PHKB: variants seen among roughly 807,000 people sequenced by gnomAD.
The protein encoded by PHKB is phosphorylase kinase regulatory subunit beta.
A neutral mutation model predicts 152.1 loss-of-function variants in PHKB; 122 were observed. The observed-to-expected ratio is 0.80, with a 90% CI of 0.69 to 0.93. PHKB has a LOEUF of 0.93. Ranked by LOEUF, PHKB falls within the 40% of genes least tolerant of loss-of-function variation. PHKB has a pLI of 0.00. For synonymous variants in PHKB, 436 were observed against 464.9 expected, an observed-to-expected ratio of 0.94 and a Z score of 0.80; for missense variants, 1,304 against 1,328.4, an observed-to-expected ratio of 0.98 and a Z score of 0.29.
intron 26 of PHKB, among the ~76,000 whole-genome samples, chr16:47,684,284 C>T (rs1408704163): frequency 6.6e-6 from 1 of 151,676 alleles, no homozygotes; most frequent in Non-Finnish European, 1.5e-5. Context: ...AAGATCACAA[C>T]AGCTGCACTC....
At chr16:47,513,311 T>C (rs1044788022) in intron 5 of PHKB, among the ~76,000 whole-genome samples, 2 of 152,180 alleles carry the variant, frequency 1.3e-5, no homozygotes, top group African/African-American at 4.8e-5. Flanking sequence ...TTTGAAGTCA[T>C]TTTTGACAGG....
intron 26 of PHKB, among the ~76,000 whole-genome samples, chr16:47,687,600 A>G (rs1446477680): frequency 6.6e-6 from 1 of 152,224 alleles, no homozygotes; most frequent in Non-Finnish European, 1.5e-5. Context: ...GCTCTTACCA[A>G]TGAGCAGCTA....
chr16:47,660,889 A>C, intron 22 of PHKB, 70 bp downstream of exon 22: 1 of 1,483,020 alleles, frequency 6.7e-7, no homozygotes, highest in Non-Finnish European at 9.4e-7. Context: ...GAATCAGACC[A>C]TATGTCTTTT....
chr16:47,677,489 G>T (rs1357601747), intron 26 of PHKB, among the ~76,000 whole-genome samples: 2 of 152,128 alleles, frequency 1.3e-5, no homozygotes, highest in Non-Finnish European at 2.9e-5. Context: ...CTGCCAATTT[G>T]GTTTCTGGTG....
intron 13 of PHKB, among the ~76,000 whole-genome samples, chr16:47,605,594 C>T (rs1972307762): frequency 6.6e-6 from 1 of 152,140 alleles, no homozygotes; most frequent in South Asian, 2.1e-4. Flanking sequence ...AAATAATTTA[C>T]TGCCTATCTA....
At chr16:47,468,400 C>T (rs1969706270) in intron 1 of PHKB, among the ~76,000 whole-genome samples, 1 of 152,240 alleles carries the variant, frequency 6.6e-6, no homozygotes, top group Admixed American at 6.5e-5. Context: ...GCCTATAATC[C>T]CAGCACTGTG....
intron 16 of PHKB, among the ~76,000 whole-genome samples, chr16:47,644,352 C>T (rs1170502526): frequency 6.6e-6 from 1 of 152,182 alleles, no homozygotes; most frequent in Non-Finnish European, 1.5e-5. Flanking sequence ...CAGTTGCTCC[C>T]TCATTCATCT....
At chr16:47,564,971 T>C (rs78236687) in intron 7 of PHKB, 17,788 of 237,118 alleles carry the variant, frequency 0.075, 1,673 homozygotes, top group African/African-American at 0.27. Context: ...TTTTTTTTTT[T>C]CCCCCAGGAG....
chr16:47,648,578 A>G lies in PHKB; in HGVS notation c.1654A>G (p.Arg552Gly). The G allele has an allele frequency of 6.2e-7, 1 of 1,613,346 alleles. No individual in the cohort carries two copies. The part of the protein sequence containing the change: ...GINEKLGLSG[R>G]PDRPIGCLGT... ...CAATGAAAAGTTAGGACTCTCTGGA[A>G]GGCCAGACAGGCCCATTGGCTGCCT... is the stretch of plus-strand genomic sequence containing the variant. The change falls in exon 17 of 31, where the codon AGG becomes GGG. Residue 552 changes from arginine (R) to glycine (G), a missense_variant. Transcript: ENST00000323584.
intron 4 of PHKB, among the ~76,000 whole-genome samples, chr16:47,504,140 G>C (rs1341694645): frequency 6.6e-6 from 1 of 152,188 alleles, no homozygotes; most frequent in African/African-American, 2.4e-5. Flanking sequence ...AATCAGCAAA[G>C]GGTCAAGGTG....
At chr16:47,583,688 CA>C (rs1367410519) in intron 8 of PHKB, among the ~76,000 whole-genome samples, 1 of 152,106 alleles carries the variant, frequency 6.6e-6, no homozygotes, top group Non-Finnish European at 1.5e-5. Flanking sequence ...TCACACCACA[CA>C]GGGGCAAAAC....
chr16:47,696,103 CT>C (rs1477278360), intron 28 of PHKB, among the ~76,000 whole-genome samples: 2 of 152,122 alleles, frequency 1.3e-5, no homozygotes, highest in Non-Finnish European at 2.9e-5. Flanking sequence ...TTGGCTATTC[CT>C]TTTGTGTATT....
At chr16:47,583,509 A>AT (rs1157970414) in intron 8 of PHKB, among the ~76,000 whole-genome samples, 1 of 152,172 alleles carries the variant, frequency 6.6e-6, no homozygotes, top group Non-Finnish European at 1.5e-5. Flanking sequence ...ATTCACTGTT[A>AT]TTTCTAAAGG....
At chr16:47,558,440 G>T (rs957568410) in intron 7 of PHKB, among the ~76,000 whole-genome samples, 1 of 152,092 alleles carries the variant, frequency 6.6e-6, no homozygotes, top group African/African-American at 2.4e-5. Flanking sequence ...ATTGTGTTTG[G>T]GTTTCTAAAT....
intron 14 of PHKB, among the ~76,000 whole-genome samples, chr16:47,615,796 G>T (rs1972504312): frequency 6.6e-6 from 1 of 152,108 alleles, no homozygotes; most frequent in Admixed American, 6.5e-5. Context: ...CTTTCTACAA[G>T]TAAAAAAGAT....
At chr16:47,571,783 C>T (rs1369256308) in intron 7 of PHKB, among the ~76,000 whole-genome samples, 2 of 152,160 alleles carry the variant, frequency 1.3e-5, no homozygotes, top group African/African-American at 4.8e-5. Context: ...CTTAGTCTTT[C>T]CCCACGGAGC....
chr16:47,663,834 A>G, intron 24 of PHKB, 100 bp downstream of exon 24: 1 of 798,696 alleles, frequency 1.3e-6, no homozygotes, highest in East Asian at 2.5e-5. Context: ...ATTCATCCTA[A>G]TTTTTACTTT....
chr16:47,616,311 A>G (rs755947219), intron 14 of PHKB, among the ~76,000 whole-genome samples: 2 of 151,784 alleles, frequency 1.3e-5, no homozygotes, highest in African/African-American at 2.4e-5. Context: ...TTTAGCTCGT[A>G]TACTTAGACC....
chr16:47,472,116 A>G (rs1246041480), intron 1 of PHKB, among the ~76,000 whole-genome samples: 1 of 152,220 alleles, frequency 6.6e-6, no homozygotes, highest in Non-Finnish European at 1.5e-5. Context: ...AATCTTAGAT[A>G]CAGTTAGTTT....
Sources: allele counts gnomAD v4.1 joint callset (sites outside exome capture counted in the v4.1 genomes callset), GRCh38; gene constraint gnomAD v4.1.1; transcripts MANE v1.5; gene names NCBI Gene and HGNC (gene_info 2026-07-23, HGNC 2026-07-21).